Variants in DST observed in about 807,000 individuals in gnomAD.
DST encodes the protein bullous pemphigoid antigen.
DST carries 253 observed loss-of-function variants against 875.2 expected under a neutral mutation model. The observed-to-expected ratio is 0.29, with a 90% CI of 0.26 to 0.32. The LOEUF is 0.32. Among genes scored for constraint, DST ranks in the 10% least tolerant of loss-of-function variants. DST has a pLI of 1.00. For synonymous variants in DST, 3,124 were observed against 3,197.1 expected, an observed-to-expected ratio of 0.98 and a Z score of 0.77; for missense variants, 8,287 against 9,111.6, an observed-to-expected ratio of 0.91 and a Z score of 3.68.
At chr6:56,525,415 A>C (rs1252437903) in intron 69 of DST, among the ~76,000 whole-genome samples, 1 of 152,192 alleles carries the variant, frequency 6.6e-6, no homozygotes. Flanking sequence ...ACTGCATTTC[A>C]TCAGCTGTTG....
intron 9 of DST, among the ~76,000 whole-genome samples, chr6:56,697,249 G>C (rs4074103): frequency 0.3 from 46,027 of 151,942 alleles, 8,767 homozygotes; most frequent in African/African-American, 0.54. Flanking sequence ...TTTCTTCCTG[G>C]AAAGTGTGAC....
chr6:56,936,170 G>A (rs1170423993), intron 2 of DST, among the ~76,000 whole-genome samples: 1 of 152,138 alleles, frequency 6.6e-6, no homozygotes, highest in Admixed American at 6.5e-5. Context: ...AAAGAGAAAA[G>A]TAACAAGCTT....
intron 4 of DST, among the ~76,000 whole-genome samples, chr6:56,798,496 A>C (rs1297894712): frequency 6.6e-6 from 1 of 152,240 alleles, no homozygotes; most frequent in African/African-American, 2.4e-5. Flanking sequence ...GCTCAGAAAA[A>C]AAAAGATTTA....
At position 56,529,760 on chromosome 6, in the gene DST, G is replaced by A. The variant is rs1173017470; in HGVS notation, c.17283C>T (p.Asp5761=). The part of the protein sequence containing the change: ...QIAQHKALED[D]IINHNKHLHQ... Reference sequence around the variant, plus strand: ...GTAAATGTTTATTGTGATTGATGATGTCATCTTCTAAGGCCTAAGCAAAGT... The same window carrying A: ...GTAAATGTTTATTGTGATTGATGATATCATCTTCTAAGGCCTAAGCAAAGT... The change falls in exon 66 of 104, where the codon GAC becomes GAT. Residue 5761 remains aspartate, a synonymous_variant. Coordinates refer to ENST00000680361, the MANE Select transcript of DST (RefSeq NM_001374736.1). The A allele has an allele frequency of 6.3e-6, 10 of 1,580,816 alleles. No homozygotes were observed. The highest frequency in any genetic ancestry group is 2.4e-5 in the South Asian group (2 of 84,542).
At chr6:56,928,403 T>C (rs898960532) in intron 2 of DST, among the ~76,000 whole-genome samples, 1 of 151,744 alleles carries the variant, frequency 6.6e-6, no homozygotes, top group Non-Finnish European at 1.5e-5. Flanking sequence ...GAGTATAGAA[T>C]AGAAAGGTGA....
At position 56,703,653 on chromosome 6, in the gene DST, T is replaced by C. The variant is rs1462904458; in HGVS notation, c.871A>G (p.Lys291Glu). ...GTTATGGGGGCGACACCTACCCCCT[T>C]ATCCTCATCCTCCACATCCTCATGC... ...EQHEDVEDED[K>E]GPREKGRMRF... Residue 291 changes from lysine to glutamate, a missense_variant, in exon 7 of 104, where the codon AAG becomes GAG. Physicochemically the swap from Lys to Glu is moderately conservative, Grantham distance 56. This residue lies in a region of DST where 1,160 missense variants were observed against 1,424.3 expected (regional missense o/e 0.81). Transcript: ENST00000680361. The C allele has an allele frequency of 2.0e-6, 2 of 984,130 alleles. No individual in the cohort carries two copies. The highest frequency in any genetic ancestry group is 1.7e-5 in the African/African-American group (1 of 57,192). 61.0% of individuals were successfully genotyped at this position (984,130 alleles called of 1,614,324 possible).
intron 4 of DST, among the ~76,000 whole-genome samples, chr6:56,823,893 A>G (rs1015215812): frequency 1.3e-5 from 2 of 152,202 alleles, no homozygotes; most frequent in African/African-American, 4.8e-5. Flanking sequence ...AATTCATTCA[A>G]CCTTTTTAGA....
chr6:56,539,194 G>T (rs906745617), intron 61 of DST, among the ~76,000 whole-genome samples: 2 of 151,672 alleles, frequency 1.3e-5, no homozygotes, highest in Non-Finnish European at 2.9e-5. Context: ...TAATTTCAGG[G>T]GTTTATATTG....
At chr6:56,618,784 T>C in intron 36 of DST, 2 of 1,614,180 alleles carry the variant, frequency 1.2e-6, no homozygotes, top group Non-Finnish European at 1.7e-6. Flanking sequence ...ACTCCTCTGC[T>C]GATTGTTTGA....
rs146270005 is a variant in DST, at chr6:56,811,266, C to T, written c.625+40131G>A. Among the ~76,000 whole-genome samples the T allele has an allele frequency of 6.9e-3, 1,001 of 145,310 alleles. 47 individuals carry two copies. The highest frequency in any genetic ancestry group is 0.065 in the Admixed American group (951 of 14,688). On this transcript the variant is annotated intron_variant, in intron 4 of 103. Transcript: ENST00000680361. ...AACCTGAGAGACGAAGCAGGAAGTA[C>T]TGGGTCCCTGACAGTAGAGAAAGGA...
intron 4 of DST, among the ~76,000 whole-genome samples, chr6:56,736,615 ATC>A (rs1167161004): frequency 1.3e-5 from 2 of 151,944 alleles, no homozygotes; most frequent in South Asian, 4.2e-4. Context: ...CTCTTTCTTC[ATC>A]TCTTTTTCTC....
At chr6:56,575,557 T>C (rs1275870443) in intron 50 of DST, among the ~76,000 whole-genome samples, 3 of 152,084 alleles carry the variant, frequency 2.0e-5, no homozygotes, top group Non-Finnish European at 2.9e-5. Context: ...AATTAACAGA[T>C]TTGAGTGTTA....
chr6:56,597,239 C>CAA (rs76384316), intron 47 of DST, among the ~76,000 whole-genome samples: 65 of 128,716 alleles, frequency 5.0e-4, no homozygotes, highest in African/African-American at 8.8e-4. Flanking sequence ...GACCTTGTCT[C>CAA]AAAAAAAAAA....
At chr6:56,898,160 G>A (rs1592228055) in intron 3 of DST, among the ~76,000 whole-genome samples, 1 of 152,070 alleles carries the variant, frequency 6.6e-6, no homozygotes, top group East Asian at 1.9e-4. Context: ...TTTTTGCTGG[G>A]GTAGCTGCTA....
intron 10 of DST, among the ~76,000 whole-genome samples, chr6:56,655,989 T>G (rs773801456): frequency 4.6e-5 from 7 of 152,246 alleles, no homozygotes; most frequent in Non-Finnish European, 8.8e-5. Context: ...AACATTAACT[T>G]TTGAGGATTA....
chr6:56,924,333 C>T (rs1387678063), intron 2 of DST, among the ~76,000 whole-genome samples: 2 of 152,154 alleles, frequency 1.3e-5, no homozygotes, highest in Admixed American at 1.3e-4. Flanking sequence ...TGATATAGCT[C>T]CCTATCAGAT....
intron 46 of DST, 106 bp downstream of exon 46, chr6:56,598,370 T>A: frequency 1.5e-6 from 1 of 687,014 alleles, no homozygotes; most frequent in Non-Finnish European, 2.2e-6. Flanking sequence ...CCCATAATAA[T>A]CCTTAGTGAT....
At chr6:56,661,553 C>T (rs544388173) in intron 10 of DST, among the ~76,000 whole-genome samples, 1 of 151,554 alleles carries the variant, frequency 6.6e-6, no homozygotes, top group Non-Finnish European at 1.5e-5. Context: ...GTGATAGGCA[C>T]TCTCATAAGC....
chr6:56,768,302 C>A (rs2152973901), intron 4 of DST, among the ~76,000 whole-genome samples: 1 of 152,258 alleles, frequency 6.6e-6, no homozygotes, highest in Non-Finnish European at 1.5e-5. Context: ...TATTATAAAG[C>A]TACAGTTGTC....
Sources: gnomAD v4.1 joint callset for allele counts (sites outside exome capture counted in the v4.1 genomes callset) on GRCh38, gnomAD v4.1.1 for gene constraint, gnomAD v4.1.1 regional missense constraint, MANE v1.5 for transcripts, NCBI Gene and HGNC (gene_info 2026-07-23, HGNC 2026-07-21) for gene names.